The following ACSF2 variants were observed in gnomAD, a reference collection of about 807,000 sequenced individuals.
ACSF2 encodes the protein medium-chain acyl-CoA ligase ACSF2, mitochondrial.
A neutral mutation model predicts 79.3 loss-of-function variants in ACSF2; 52 were observed. The observed-to-expected ratio is 0.66, with a 90% confidence interval of 0.53 to 0.83. ACSF2 has a LOEUF of 0.83. ACSF2 is among the 40% of genes least tolerant of loss of function. The pLI is 0.00. For missense variants in ACSF2, 661 were observed against 803.3 expected, an observed-to-expected ratio of 0.82 and a Z score of 2.14; for synonymous variants, 283 against 312.6, an observed-to-expected ratio of 0.91 and a Z score of 1.00.
intron 1 of ACSF2, among the ~76,000 whole-genome samples, chr17:50,447,963 C>T (rs1023202891): frequency 3.9e-5 from 6 of 152,360 alleles, no homozygotes; most frequent in Middle Eastern, 3.4e-3. Context: ...TTCAGAGAAG[C>T]GCTCAGAGTG....
intron 1 of ACSF2, chr17:50,460,291 C>T: frequency 2.2e-6 from 1 of 463,664 alleles, no homozygotes; most frequent in South Asian, 1.5e-5. Flanking sequence ...TCCCTGGTTC[C>T]TCAGGAAGGA....
At chr17:50,438,205 G>A (rs1037923450) in intron 1 of ACSF2, among the ~76,000 whole-genome samples, 2 of 152,014 alleles carry the variant, frequency 1.3e-5, no homozygotes, top group African/African-American at 2.4e-5. Context: ...ATAATCTCTA[G>A]ACTACTTATA....
At chr17:50,435,731 A>G (rs182316157) in intron 1 of ACSF2, among the ~76,000 whole-genome samples, 56 of 152,176 alleles carry the variant, frequency 3.7e-4, no homozygotes, top group Non-Finnish European at 1.5e-5. Context: ...TAGCAATTTA[A>G]AAAAATTTTT....
chr17:50,439,132 G>A (rs899877993), intron 1 of ACSF2, among the ~76,000 whole-genome samples: 4 of 149,570 alleles, frequency 2.7e-5, no homozygotes, highest in Admixed American at 6.7e-5. Flanking sequence ...GTGCAATGAC[G>A]CCATCATGGC....
intron 1 of ACSF2, among the ~76,000 whole-genome samples, chr17:50,440,130 G>T (rs1254351046): frequency 1.3e-5 from 2 of 151,748 alleles, no homozygotes; most frequent in East Asian, 1.9e-4. Flanking sequence ...AGCCTCCCAT[G>T]GGGGGTAAGG....
At chr17:50,443,494 A>G (rs138671283) in intron 1 of ACSF2, among the ~76,000 whole-genome samples, 1 of 152,350 alleles carries the variant, frequency 6.6e-6, no homozygotes, top group East Asian at 1.9e-4. Flanking sequence ...GAATAAGAAA[A>G]GAATTTGCTA....
intron 4 of ACSF2, 69 bp downstream of exon 4, chr17:50,461,755 T>C: frequency 1.3e-6 from 2 of 1,562,958 alleles, no homozygotes; most frequent in Non-Finnish European, 8.8e-7. Flanking sequence ...ACTCTGCTTG[T>C]CAGAGTCTGA....
Position 50,461,331 on chromosome 17 carries a change from G to C in ACSF2, c.414G>C (p.Val138=), listed in dbSNP as rs1567854696. 6.2e-7 allele frequency: 1 copy of C among 1,614,120 alleles called. No individual in the cohort carries two copies. Among genetic ancestry groups the C allele is most frequent in the East Asian group, 2.2e-5 (1 of 44,856 alleles). The change falls in exon 3 of 16, where the codon GTG becomes GTC. Residue 138 remains valine (V), a synonymous_variant. Transcript: ENST00000300441. ...GGGGACCTAACTCCTATGCATGGGTGCTCATGCAGTTGGCCACCGCCCAGG... is the reference window on the plus strand; with the variant it reads ...GGGGACCTAACTCCTATGCATGGGTCCTCATGCAGTTGGCCACCGCCCAGG... ...GMWGPNSYAW[V]LMQLATAQAG...
Position 50,474,184 on chromosome 17 carries a change from C to A in ACSF2, c.1729-15C>A. 6.2e-7 allele frequency: 1 copy of A among 1,614,190 alleles called. No individual in the cohort carries two copies. Among genetic ancestry groups the A allele is most frequent in the African/African-American group, 1.3e-5 (1 of 75,060 alleles). On this transcript the variant is annotated splice_polypyrimidine_tract_variant and intron_variant, in intron 14 of 15. Transcript: ENST00000300441. The surrounding 1 kb of genome is among the most constrained non-coding windows in gnomAD (Gnocchi z 4.2). ...GCGCAGCCTCACGCCTTACCTCCCT[C>A]CCTCTGGTCTGCAGATCTCTCACTT... is the stretch of plus-strand genomic sequence containing the variant.
At chr17:50,469,204 C>T (rs964326237) in intron 10 of ACSF2, 2 of 225,140 alleles carry the variant, frequency 8.9e-6, no homozygotes, top group African/African-American at 2.3e-5. Flanking sequence ...GAGTTTACAT[C>T]GGAGAGAGGG....
In ACSF2 at chr17:50,464,260, C is replaced by T; in HGVS notation, c.1181C>T (p.Ala394Val). The change falls in exon 10 of 16, where the codon GCC becomes GTC. Residue 394 changes from alanine (A) to valine (V), a missense_variant. Ala to Val is a moderately conservative substitution (Grantham distance 64). Transcript: ENST00000300441. ...GSPAPPELIRAIINKINMKDL... is the reference protein window; with the variant it reads ...GSPAPPELIRVIINKINMKDL... ...CCTGCACCTCCAGAGTTGATCCGAG[C>T]CATCATCAACAAGATAAATATGAAG... 1 of 1,614,134 alleles carries T rather than the reference C, an allele frequency of 6.2e-7. No individual in the cohort carries two copies. The highest frequency in any genetic ancestry group is 8.5e-7 in the Non-Finnish European group (1 of 1,180,038).
intron 12 of ACSF2, 124 bp from the exon 13 acceptor site, chr17:50,473,541 A>G (rs2033210575): frequency 3.7e-6 from 5 of 1,347,290 alleles, no homozygotes; most frequent in South Asian, 1.3e-5. Context: ...TGTTCCTGCT[A>G]TGTCTCCCAG....
In ACSF2 at chr17:50,468,222, C is replaced by T. The variant is rs558824127; in HGVS notation, c.1216-2806C>T. 32 of 1,612,748 alleles carry T rather than the reference C, an allele frequency of 2.0e-5. No individual in the cohort carries two copies. Among genetic ancestry groups the T allele is most frequent in the Middle Eastern group, 1.7e-4 (1 of 6,054 alleles). ...TGGTTCCTGTCCACGTGGAATTTGG[C>T]GAGGTTCTCCACGTCGTCCAGGGCC... On this transcript the variant is annotated intron_variant, in intron 10 of 15. Transcript: ENST00000300441.
Position 50,448,685 on chromosome 17 carries a change from C to G in ACSF2, c.129-11992C>G, listed in dbSNP as rs529969415. ...CATATGTTGTCTTGAAACAATTATC[C>G]TCGGCTACAAGGATCAAAAACAAGG... On this transcript the variant is annotated intron_variant, in intron 1 of 15. Transcript: ENST00000300441. 1.1e-4 allele frequency among the ~76,000 whole-genome samples: 16 copies of G among 152,206 alleles called. No homozygotes were observed. The South Asian group carries it at 3.3e-3, about 32-fold the overall frequency.
chr17:50,449,128 T>G (rs1030187251), intron 1 of ACSF2, among the ~76,000 whole-genome samples: 2 of 149,432 alleles, frequency 1.3e-5, no homozygotes, highest in African/African-American at 4.9e-5. Context: ...GCAATTCTCC[T>G]GCTTCAGCCT....
At chr17:50,460,579 G>A in intron 1 of ACSF2, 98 bp from the exon 2 acceptor site, 1 of 1,123,760 alleles carries the variant, frequency 8.9e-7, no homozygotes, top group Non-Finnish European at 1.3e-6. Context: ...CTAACACATT[G>A]TCAGCAGCCT....
intron 1 of ACSF2, among the ~76,000 whole-genome samples, chr17:50,431,109 C>T (rs975793568): frequency 3.9e-5 from 6 of 152,158 alleles, no homozygotes; most frequent in Non-Finnish European, 7.4e-5. Context: ...GATTTGGTAA[C>T]GATATCCCTA....
At chr17:50,435,149 C>T (rs953402110) in intron 1 of ACSF2, among the ~76,000 whole-genome samples, 1 of 152,096 alleles carries the variant, frequency 6.6e-6, no homozygotes, top group Non-Finnish European at 1.5e-5. Flanking sequence ...GGATTACAGG[C>T]GTGAGCCACC....
At chr17:50,465,639 T>C in intron 10 of ACSF2, 1 of 1,575,596 alleles carries the variant, frequency 6.3e-7, no homozygotes, top group South Asian at 1.1e-5. Flanking sequence ...CAACATGTCT[T>C]AGTGCAGGGC....
Sources: gnomAD v4.1 joint callset for allele counts (sites outside exome capture counted in the v4.1 genomes callset) on GRCh38, gnomAD v4.1.1 for gene constraint, Gnocchi (gnomAD v3.1) non-coding constraint, MANE v1.5 for transcripts, NCBI Gene and HGNC (gene_info 2026-07-23, HGNC 2026-07-21) for gene names.